PCDHGB7: variants seen among roughly 807,000 people sequenced by gnomAD.
The protein encoded by PCDHGB7 is protocadherin gamma subfamily B, 7.
In PCDHGB7, 37 loss-of-function variants were observed where a neutral mutation model predicts 61.4. The ratio of observed to expected loss-of-function variants is 0.60; its 90% CI spans 0.46 to 0.79. PCDHGB7 has a LOEUF of 0.79. Ranked by LOEUF, PCDHGB7 falls within the 30% of genes least tolerant of loss-of-function variation. The pLI is 0.00. For missense variants in PCDHGB7, 1,166 were observed against 1,202.5 expected (o/e 0.97, Z 0.45); for synonymous variants, 464 against 503.5 (o/e 0.92, Z 1.05).
At chr5:141,428,145 A>T (rs748256830) in intron 1 of PCDHGB7, 11 of 1,592,456 alleles carry the variant, frequency 6.9e-6, no homozygotes, top group Non-Finnish European at 8.6e-7. Flanking sequence ...GGGGCTGCAC[A>T]CGGGAACCTG....
intron 1 of PCDHGB7, among the ~76,000 whole-genome samples, chr5:141,483,547 G>A (rs1202182188): frequency 6.6e-6 from 1 of 152,140 alleles, no homozygotes. Context: ...GGTTGACAGT[G>A]CCATTCACAG....
chr5:141,420,364 A>G (rs942479456), intron 1 of PCDHGB7, 90 bp downstream of exon 1: 8 of 1,368,440 alleles, frequency 5.8e-6, no homozygotes, highest in African/African-American at 3.0e-5. Flanking sequence ...ATTCTAGATA[A>G]CTTCTTCATA....
intron 1 of PCDHGB7, chr5:141,423,108 GC>G: frequency 1.2e-6 from 2 of 1,613,864 alleles, no homozygotes; most frequent in African/African-American, 2.7e-5. Flanking sequence ...CGGGCGAGGT[GC>G]GTACAGCGCG....
Position 141,477,312 on chromosome 5 carries a change from TTACTTC to T in PCDHGB7, c.2416-17493_2416-17488del, listed in dbSNP as rs773034406. Reference sequence around the variant, plus strand: ...GTTCCACCGGGTCTCCCTTTCAGCCTTACTTCTTCCCTCAAGAATTACTTCACTTTG... The same window carrying T: ...GTTCCACCGGGTCTCCCTTTCAGCCTTTCCCTCAAGAATTACTTCACTTTG... On this transcript the variant is annotated intron_variant, in intron 1 of 3. Coordinates refer to ENST00000398594, the MANE Select transcript of PCDHGB7 (RefSeq NM_018927.4). The surrounding 1 kb of genome is among the most constrained non-coding windows in gnomAD (Gnocchi z 4.9). The T allele has an allele frequency of 2.5e-6, 4 of 1,614,162 alleles. No homozygotes were observed. Among genetic ancestry groups the T allele is most frequent in the Non-Finnish European group, 3.4e-6 (4 of 1,180,032 alleles).
intron 3 of PCDHGB7, 162 bp downstream of exon 3, chr5:141,505,643 T>C: frequency 1.0e-6 from 1 of 967,852 alleles, no homozygotes. Context: ...AAGCCTGGAA[T>C]TGTGGCTAAG....
rs1369956811 is a variant in PCDHGB7, at chr5:141,460,759, A to G, written c.2416-34048A>G. Among the ~76,000 whole-genome samples, 3 of 152,088 alleles carry G rather than the reference A, an allele frequency of 2.0e-5. No individual in the cohort carries two copies. In the East Asian group the frequency reaches 5.8e-4, roughly 29 times the overall value. On this transcript the variant is annotated intron_variant, in intron 1 of 3. Coordinates refer to ENST00000398594, the MANE Select transcript of PCDHGB7 (RefSeq NM_018927.4). ...ATTGTATATATATGTGTACATATAC[A>G]TATTGCATATGTATGTATACATATA...
rs375665864 is a variant in PCDHGB7, at chr5:141,469,524, A to G, written c.2416-25283A>G. Among the ~76,000 whole-genome samples the G allele has an allele frequency of 2.4e-4, 36 of 152,260 alleles. No homozygotes were observed. The East Asian group carries it at 3.1e-3, about 13-fold the overall frequency. On this transcript the variant is annotated intron_variant, in intron 1 of 3. Coordinates refer to ENST00000398594, the MANE Select transcript of PCDHGB7 (RefSeq NM_018927.4). ...CGGGAGGTGGAGGTTGCAGTGAGCCAAGATTGTGCCACTGCACTCCAGCCT... is the reference window on the plus strand; with the variant it reads ...CGGGAGGTGGAGGTTGCAGTGAGCCGAGATTGTGCCACTGCACTCCAGCCT...
Position 141,432,484 on chromosome 5 carries a change from G to A in PCDHGB7, c.2415+12210G>A, listed in dbSNP as rs1164877592. On this transcript the variant is annotated intron_variant, in intron 1 of 3. Transcript: ENST00000398594. The surrounding 1 kb of genome is among the most constrained non-coding windows in gnomAD (Gnocchi z 6.0). ...TCCCCACGGACGGTTCCACTGGCGTGGAGCTGGCTCCCCGCTCCGCAGAGC... is the reference window on the plus strand; with the variant it reads ...TCCCCACGGACGGTTCCACTGGCGTAGAGCTGGCTCCCCGCTCCGCAGAGC... 8.7e-6 allele frequency: 14 copies of A among 1,614,196 alleles called. No individual in the cohort carries two copies. Among genetic ancestry groups the A allele is most frequent in the Non-Finnish European group, 1.2e-5 (14 of 1,180,046 alleles).
At chr5:141,509,216 T>C (rs2099875781) in intron 3 of PCDHGB7, among the ~76,000 whole-genome samples, 1 of 152,124 alleles carries the variant, frequency 6.6e-6, no homozygotes, top group South Asian at 2.1e-4. Flanking sequence ...TATTTCTCAA[T>C]CCCTGGTTGA....
At chr5:141,478,051 G>A (rs751371411) in intron 1 of PCDHGB7, 2 of 1,614,088 alleles carry the variant, frequency 1.2e-6, no homozygotes, top group East Asian at 2.2e-5. Context: ...AGACTCTCAC[G>A]GTCTTGATCA....
chr5:141,511,793 G>A lies in PCDHGB7; in HGVS notation c.*620G>A, dbSNP rs2099883948. The stretch of plus-strand genomic sequence containing the variant: ...TACTGATGCTTGCTGGATTTAGGGA[G>A]GGCATTTTGCTACCAAGCCTCTTCC... On this transcript the variant is annotated 3_prime_UTR_variant, in exon 4 of 4. Coordinates refer to ENST00000398594, the MANE Select transcript of PCDHGB7 (RefSeq NM_018927.4). 6.4e-6 allele frequency: 1 copy of A among 157,066 alleles called. No homozygotes were observed. The highest frequency in any genetic ancestry group is 2.4e-5 in the African/African-American group (1 of 41,492). 9.7% of individuals were successfully genotyped at this position (157,066 alleles called of 1,614,324 possible). A position where few individuals can be genotyped will look rare whatever the true frequency, so the allele number is the denominator to read the frequency against.
At chr5:141,483,918 T>G (rs2099588800) in intron 1 of PCDHGB7, among the ~76,000 whole-genome samples, 1 of 150,512 alleles carries the variant, frequency 6.6e-6, no homozygotes, top group Non-Finnish European at 1.5e-5. Flanking sequence ...CCACTCAGAT[T>G]GCAGGTCGTA....
intron 1 of PCDHGB7, among the ~76,000 whole-genome samples, chr5:141,458,248 G>A (rs173682): frequency 3.3e-5 from 5 of 152,112 alleles, no homozygotes; most frequent in African/African-American, 9.7e-5. Flanking sequence ...AAAATGATAC[G>A]GCTCTGATGA....
chr5:141,418,408 A>G lies in PCDHGB7; in HGVS notation c.549A>G (p.Lys183=), dbSNP rs2096253819. 13 of 1,614,032 alleles carry G rather than the reference A, an allele frequency of 8.1e-6. No homozygotes were observed. The highest frequency in any genetic ancestry group is 1.1e-5 in the Non-Finnish European group (13 of 1,179,898). Residue 183 remains lysine, a synonymous_variant, in exon 1 of 4, where the codon AAA becomes AAG. Coordinates refer to ENST00000398594, the MANE Select transcript of PCDHGB7 (RefSeq NM_018927.4). The stretch of plus-strand genomic sequence containing the variant: ...ACGAGTATTTCTCATTGGTGGAGAA[A>G]GACAATCCTGATGGTGGCAAATATC... The part of the protein sequence containing the change: ...SPNEYFSLVE[K]DNPDGGKYPE...
chr5:141,420,519 A>G (rs1056198647), intron 1 of PCDHGB7: 1 of 387,066 alleles, frequency 2.6e-6, no homozygotes, highest in African/African-American at 2.1e-5. Flanking sequence ...GAAGTAAAAT[A>G]CCTTTCGGTT....
intron 1 of PCDHGB7, chr5:141,478,776 A>T: frequency 1.3e-6 from 2 of 1,488,808 alleles, no homozygotes; most frequent in Non-Finnish European, 1.8e-6. Context: ...TCATCTGTGG[A>T]CCTAATTCAC....
rs1453835891 is a variant in PCDHGB7 at position 141,477,494 on chromosome 5, T to G, written c.2416-17313T>G. On this transcript the variant is annotated intron_variant, in intron 1 of 3. Coordinates refer to ENST00000398594, the MANE Select transcript of PCDHGB7 (RefSeq NM_018927.4). The surrounding 1 kb of genome is among the most constrained non-coding windows in gnomAD (Gnocchi z 4.9). ...TGACAACCCTCCACAATCTTCTCAA[T>G]CTTCCTACGACGTTTACATTGAAGA... 1 of 1,614,088 alleles carries G rather than the reference T, an allele frequency of 6.2e-7. No individual in the cohort carries two copies.
chr5:141,477,189 A>G lies in PCDHGB7; in HGVS notation c.2416-17618A>G, dbSNP rs377372902. ...CCGGAGATCACAGTCACCTCCGTGT[A>G]CAGCCCAGTACCCGAGGATGCCCCT... On this transcript the variant is annotated intron_variant, in intron 1 of 3. Coordinates refer to ENST00000398594, the MANE Select transcript of PCDHGB7 (RefSeq NM_018927.4). The surrounding 1 kb of genome is among the most constrained non-coding windows in gnomAD (Gnocchi z 4.9). 6.2e-7 allele frequency: 1 copy of G among 1,614,070 alleles called. No homozygotes were observed. The highest frequency in any genetic ancestry group is 8.5e-7 in the Non-Finnish European group (1 of 1,180,040).
In PCDHGB7 at chr5:141,419,962, GCT is replaced by G. The variant is rs1374844110; in HGVS notation, c.2106_2107del (p.Phe703SerfsTer25). ...TGGTGGCCTTGGCCTTGATTTCTGTGCTCTTTCTCCTCGCGGTGATTCTAGCT... is the reference window on the plus strand; with the variant it reads ...TGGTGGCCTTGGCCTTGATTTCTGTGCTTTCTCCTCGCGGTGATTCTAGCT... The part of the protein sequence containing the change: ...LVVALALISV[L>X]FLLAVILAIA... On this transcript the variant is annotated frameshift_variant, in exon 1 of 4. Coordinates refer to ENST00000398594, the MANE Select transcript of PCDHGB7 (RefSeq NM_018927.4). LOFTEE classifies it high-confidence loss of function. The G allele has an allele frequency of 3.1e-6, 5 of 1,613,974 alleles. No homozygotes were observed. In the African/African-American group the frequency reaches 4.0e-5, roughly 13 times the overall value.
Sources: allele counts gnomAD v4.1 joint callset (sites outside exome capture counted in the v4.1 genomes callset), GRCh38; gene constraint gnomAD v4.1.1; non-coding constraint Gnocchi (gnomAD v3.1); transcripts MANE v1.5; gene names NCBI Gene and HGNC (gene_info 2026-07-23, HGNC 2026-07-21).